BCAT1: variants seen among roughly 807,000 people sequenced by gnomAD.
BCAT1 encodes branched-chain-amino-acid aminotransferase, cytosolic.
BCAT1 carries 48 observed loss-of-function variants against 52.4 expected under a neutral mutation model. The ratio of observed to expected loss-of-function variants is 0.92; its 90% CI spans 0.73 to 1.16. BCAT1 has a LOEUF of 1.16. Among genes scored for constraint, BCAT1 ranks in the 50% most tolerant of loss-of-function variants. The pLI is 0.00. For synonymous variants in BCAT1, 167 were observed against 161.3 expected, an observed-to-expected ratio of 1.04 and a Z score of -0.27; for missense variants, 451 against 457.1, an observed-to-expected ratio of 0.99 and a Z score of 0.12.
At chr12:24,885,085 C>T (rs1942621447) in intron 3 of BCAT1, among the ~76,000 whole-genome samples, 1 of 151,932 alleles carries the variant, frequency 6.6e-6, no homozygotes, top group South Asian at 2.1e-4. Flanking sequence ...CAGTATAAAG[C>T]AAGAATAATG....
chr12:24,851,855 C>A (rs1045430172), intron 5 of BCAT1, among the ~76,000 whole-genome samples: 3 of 152,134 alleles, frequency 2.0e-5, no homozygotes, highest in African/African-American at 4.8e-5. Flanking sequence ...TTTTATTTAA[C>A]CTCTCAGTTA....
At chr12:24,877,550 C>T (rs963814280) in intron 5 of BCAT1, among the ~76,000 whole-genome samples, 2 of 152,204 alleles carry the variant, frequency 1.3e-5, no homozygotes, top group Non-Finnish European at 2.9e-5. Flanking sequence ...ACCATCCCAG[C>T]TCTTCAATTT....
intron 1 of BCAT1, among the ~76,000 whole-genome samples, chr12:24,939,615 C>T (rs1404287174): frequency 1.3e-5 from 2 of 152,060 alleles, no homozygotes; most frequent in Admixed American, 1.3e-4. Flanking sequence ...GGCAGGTGGA[C>T]CACCTGAGGT....
intron 5 of BCAT1, among the ~76,000 whole-genome samples, chr12:24,866,149 T>G (rs1475405061): frequency 6.6e-6 from 1 of 152,228 alleles, no homozygotes; most frequent in African/African-American, 2.4e-5. Context: ...GGGAGTGGGC[T>G]TGGCAGGCCC....
chr12:24,852,764 G>A (rs898721115), intron 5 of BCAT1, among the ~76,000 whole-genome samples: 10 of 152,200 alleles, frequency 6.6e-5, no homozygotes, highest in Non-Finnish European at 8.8e-5. Context: ...GAGAGAAAAT[G>A]TGTTTATGTA....
chr12:24,927,313 AAAAAGAAAAG>A (rs956551193), intron 1 of BCAT1, among the ~76,000 whole-genome samples: 11 of 152,194 alleles, frequency 7.2e-5, no homozygotes, highest in South Asian at 2.1e-4. Context: ...GTCTCGAAAA[AAAAAGAAAAG>A]AAAAGAAAAG....
At chr12:24,859,303 C>T (rs1271500780) in intron 5 of BCAT1, among the ~76,000 whole-genome samples, 1 of 152,202 alleles carries the variant, frequency 6.6e-6, no homozygotes, top group Non-Finnish European at 1.5e-5. Flanking sequence ...GTTTGGAAAG[C>T]TGTCTTCCCT....
chr12:24,864,135 A>G (rs1244095118), intron 5 of BCAT1, among the ~76,000 whole-genome samples: 2 of 152,194 alleles, frequency 1.3e-5, no homozygotes, highest in African/African-American at 2.4e-5. Context: ...TTTACTATTA[A>G]GACCATTACA....
chr12:24,912,376 C>T (rs927951765), intron 1 of BCAT1, among the ~76,000 whole-genome samples: 2 of 151,894 alleles, frequency 1.3e-5, no homozygotes, highest in African/African-American at 2.4e-5. Flanking sequence ...AAAAATTAGC[C>T]GGGCGTAGTG....
At chr12:24,826,820 G>A (rs1940419280) in intron 10 of BCAT1, among the ~76,000 whole-genome samples, 1 of 152,022 alleles carries the variant, frequency 6.6e-6, no homozygotes, top group Admixed American at 6.6e-5. Flanking sequence ...TTAAATCATA[G>A]TTTTATACTT....
rs1300356618 is a variant in BCAT1, at chr12:24,811,755, A to T, written c.*6253T>A. On this transcript the variant is annotated 3_prime_UTR_variant, in exon 11 of 11. Transcript: ENST00000261192. ...AAAAGAATTTCAAGAATCACTACAC[A>T]GCTAAGATATCTGAGACTTGCAATG... 6.6e-6 allele frequency: 1 copy of T among 152,148 alleles called. No individual in the cohort carries two copies. The highest frequency in any genetic ancestry group is 1.9e-4 in the East Asian group (1 of 5,202). 9.4% of individuals were successfully genotyped at this position (152,148 alleles called of 1,614,324 possible).
At chr12:24,886,156 G>A (rs1000786054) in intron 3 of BCAT1, among the ~76,000 whole-genome samples, 2 of 152,190 alleles carry the variant, frequency 1.3e-5, no homozygotes, top group Non-Finnish European at 1.5e-5. Context: ...CGTGGCTCAC[G>A]CCTGTAATTC....
At chr12:24,851,816 G>A (rs894250883) in intron 5 of BCAT1, among the ~76,000 whole-genome samples, 5 of 152,182 alleles carry the variant, frequency 3.3e-5, no homozygotes, top group Non-Finnish European at 5.9e-5. Flanking sequence ...TCCCAGCTAC[G>A]ATAAAACTTA....
At chr12:24,877,525 A>G (rs1004909892) in intron 5 of BCAT1, among the ~76,000 whole-genome samples, 7 of 152,320 alleles carry the variant, frequency 4.6e-5, no homozygotes, top group Non-Finnish European at 1.0e-4. Flanking sequence ...TCATAAGGTC[A>G]TGTTATTTAA....
intron 1 of BCAT1, among the ~76,000 whole-genome samples, chr12:24,916,052 G>A (rs545744280): frequency 6.6e-6 from 1 of 152,268 alleles, no homozygotes; most frequent in African/African-American, 2.4e-5. Flanking sequence ...CCAGCTACTC[G>A]GGAGGCTGAA....
intron 1 of BCAT1, among the ~76,000 whole-genome samples, chr12:24,945,095 G>A (rs1943915718): frequency 6.6e-6 from 1 of 152,144 alleles, no homozygotes. Context: ...ATTTTTAGGG[G>A]AAAGATAATT....
At chr12:24,945,941 C>A (rs1005409962) in intron 1 of BCAT1, 26 of 152,216 alleles carry the variant, frequency 1.7e-4, no homozygotes, top group African/African-American at 6.0e-4. Flanking sequence ...ACCAAACCTT[C>A]CTGAGCATAA....
chr12:24,857,525 T>C (rs1941725682), intron 5 of BCAT1, among the ~76,000 whole-genome samples: 1 of 152,244 alleles, frequency 6.6e-6, no homozygotes, highest in South Asian at 2.1e-4. Context: ...GATTTTTTTC[T>C]AGATAAAAGT....
intron 5 of BCAT1, among the ~76,000 whole-genome samples, chr12:24,877,000 G>A (rs566313532): frequency 4.3e-4 from 66 of 152,162 alleles, no homozygotes; most frequent in African/African-American, 1.5e-3. Context: ...AAAAACTTAT[G>A]GAAGTAGATG....
Sources: allele counts gnomAD v4.1 joint callset (sites outside exome capture counted in the v4.1 genomes callset), GRCh38; gene constraint gnomAD v4.1.1; transcripts MANE v1.5; gene names NCBI Gene and HGNC (gene_info 2026-07-23, HGNC 2026-07-21).